CLTCL1: variants seen among roughly 807,000 people sequenced by gnomAD.
CLTCL1 encodes the protein clathrin heavy chain like 1, also known as clathrin heavy chain 2.
CLTCL1 carries 159 observed loss-of-function variants against 190.0 expected under a neutral mutation model. The ratio of observed to expected loss-of-function variants is 0.84; its 90% CI spans 0.74 to 0.95. The LOEUF (loss-of-function observed/expected upper bound fraction) is 0.95, where lower values mean the gene tolerates loss of function less well. Ranked by LOEUF, CLTCL1 falls within the 40% of genes least tolerant of loss-of-function variation. The pLI is 0.00. For missense variants in CLTCL1, 1,878 were observed against 2,033.4 expected, an observed-to-expected ratio of 0.92 and a Z score of 1.47; for synonymous variants, 752 against 769.6, an observed-to-expected ratio of 0.98 and a Z score of 0.38.
intron 3 of CLTCL1, among the ~76,000 whole-genome samples, chr22:19,253,169 C>T (rs149318099): frequency 5.5e-4 from 84 of 152,180 alleles, no homozygotes; most frequent in African/African-American, 1.8e-3. Context: ...TTCAAATAAG[C>T]AGCATTTACA....
At chr22:19,193,480 C>A (rs1189221648) in intron 26 of CLTCL1, among the ~76,000 whole-genome samples, 1 of 152,166 alleles carries the variant, frequency 6.6e-6, no homozygotes, top group East Asian at 1.9e-4. Flanking sequence ...TAGCCACGCG[C>A]CAGGACATGG....
chr22:19,289,969 T>C (rs2088050454), intron 1 of CLTCL1, among the ~76,000 whole-genome samples: 1 of 152,180 alleles, frequency 6.6e-6, no homozygotes, highest in South Asian at 2.1e-4. Context: ...GCTGACTCAG[T>C]GTTTGCTCTA....
intron 19 of CLTCL1, among the ~76,000 whole-genome samples, chr22:19,211,741 T>C (rs1347105382): frequency 4.5e-5 from 6 of 131,982 alleles, no homozygotes; most frequent in Non-Finnish European, 9.2e-5. Context: ...CACTCCAGCC[T>C]GGGCGACAGA....
intron 1 of CLTCL1, among the ~76,000 whole-genome samples, chr22:19,282,708 T>C (rs989879093): frequency 1.3e-5 from 2 of 151,690 alleles, no homozygotes; most frequent in East Asian, 1.9e-4. Flanking sequence ...GGGGAACTCA[T>C]TCTCTACTCA....
At position 19,226,254 on chromosome 22, in the gene CLTCL1, T is replaced by A. The variant is rs2085741648; in HGVS notation, c.1912A>T (p.Arg638Trp). The change falls in exon 12 of 33, where the codon AGG becomes TGG. Residue 638 changes from arginine (R) to tryptophan (W), a missense_variant. Coordinates refer to ENST00000427926, the MANE Select transcript of CLTCL1 (RefSeq NM_007098.4). ...AGGAGGTGAGTGTGGACCACAGCCCTCTTGATGTCATAGAGGTCGGTGTAG... is the reference window on the plus strand; with the variant it reads ...AGGAGGTGAGTGTGGACCACAGCCCACTTGATGTCATAGAGGTCGGTGTAG... ...EHYTDLYDIK[R>W]AVVHTHLLNP... 3 of 1,613,946 alleles carry A rather than the reference T, an allele frequency of 1.9e-6. No individual in the cohort carries two copies. Among genetic ancestry groups the A allele is most frequent in the Non-Finnish European group, 1.7e-6 (2 of 1,179,864 alleles).
rs112920283 is a variant in CLTCL1 at position 19,222,453 on chromosome 22, C to T, written c.2418+231G>A. 3.8e-3 allele frequency among the ~76,000 whole-genome samples: 578 copies of T among 152,278 alleles called. 5 individuals are homozygous for T. The highest frequency in any genetic ancestry group is 0.013 in the African/African-American group (534 of 41,546). ...AGCCTTCACCAGAAACCAGCCCTGC[C>T]GACACCCTGATCATGGACTTCCAGC... On this transcript the variant is annotated intron_variant, in intron 15 of 32. Coordinates refer to ENST00000427926, the MANE Select transcript of CLTCL1 (RefSeq NM_007098.4).
intron 1 of CLTCL1, among the ~76,000 whole-genome samples, chr22:19,276,563 C>T (rs2087510992): frequency 6.6e-6 from 1 of 152,150 alleles, no homozygotes; most frequent in South Asian, 2.1e-4. Flanking sequence ...TCTGGGAAAA[C>T]ACATACTCAA....
intron 18 of CLTCL1, 41 bp from the exon 19 acceptor site, chr22:19,216,297 A>G: frequency 6.3e-7 from 1 of 1,598,434 alleles, no homozygotes; most frequent in Non-Finnish European, 8.6e-7. Flanking sequence ...ATTAAAGTCA[A>G]TTCAAGACTG....
chr22:19,280,938 G>A (rs1198477769), intron 1 of CLTCL1, among the ~76,000 whole-genome samples: 1 of 151,932 alleles, frequency 6.6e-6, no homozygotes, highest in Non-Finnish European at 1.5e-5. Context: ...GGGTTGGGGG[G>A]AGGAGTGTGA....
chr22:19,183,645 TGCAG>T, intron 29 of CLTCL1, 34 bp from the exon 30 acceptor site: 1 of 1,605,466 alleles, frequency 6.2e-7, no homozygotes. Context: ...TTGGGCATCC[TGCAG>T]GCAGAGGCTT....
intron 1 of CLTCL1, among the ~76,000 whole-genome samples, chr22:19,284,758 A>G (rs1466942917): frequency 6.6e-6 from 1 of 151,954 alleles, no homozygotes; most frequent in Non-Finnish European, 1.5e-5. Context: ...GATTAAGACC[A>G]TCCTGGCCAA....
At chr22:19,190,399 G>A (rs1473475877) in intron 27 of CLTCL1, among the ~76,000 whole-genome samples, 2 of 152,072 alleles carry the variant, frequency 1.3e-5, no homozygotes, top group Non-Finnish European at 2.9e-5. Flanking sequence ...TTCTTATAGG[G>A]GCATGGTTTG....
intron 1 of CLTCL1, among the ~76,000 whole-genome samples, chr22:19,285,354 G>A (rs1360144186): frequency 5.3e-5 from 8 of 152,108 alleles, no homozygotes; most frequent in Non-Finnish European, 1.2e-4. Flanking sequence ...GTAAATGAGG[G>A]CCTATGAAGA....
At chr22:19,208,497 G>C (rs1555944356) in intron 21 of CLTCL1, among the ~76,000 whole-genome samples, 186 bp from the exon 22 acceptor site, 2 of 152,130 alleles carry the variant, frequency 1.3e-5, no homozygotes, top group Non-Finnish European at 2.9e-5. Flanking sequence ...AGCTCAGAAG[G>C]GAGGAGGGGA....
At chr22:19,279,297 G>A (rs556157138) in intron 1 of CLTCL1, among the ~76,000 whole-genome samples, 146 of 151,572 alleles carry the variant, frequency 9.6e-4, no homozygotes, top group African/African-American at 3.4e-3. Flanking sequence ...CACCACGCTC[G>A]GCTGATTTTT....
intron 24 of CLTCL1, among the ~76,000 whole-genome samples, chr22:19,199,180 G>A (rs1338295611): frequency 2.6e-5 from 4 of 152,214 alleles, no homozygotes; most frequent in African/African-American, 9.6e-5. Flanking sequence ...GTGGCTCTAG[G>A]AATCCCACAG....
intron 29 of CLTCL1, among the ~76,000 whole-genome samples, chr22:19,185,573 G>T (rs935077800): frequency 2.0e-5 from 3 of 152,106 alleles, no homozygotes; most frequent in African/African-American, 7.2e-5. Flanking sequence ...TGATCCGCCC[G>T]CCTCGGCCTC....
chr22:19,265,285 C>T (rs28472698), intron 2 of CLTCL1, among the ~76,000 whole-genome samples: 7,277 of 151,940 alleles, frequency 0.048, 230 homozygotes, highest in African/African-American at 0.092. Context: ...AATGTTAGAC[C>T]CTCACTGTCT....
chr22:19,219,559 C>T (rs112842267), intron 18 of CLTCL1, among the ~76,000 whole-genome samples: 19 of 152,086 alleles, frequency 1.2e-4, no homozygotes, highest in African/African-American at 4.6e-4. Context: ...TGTCGGCTCA[C>T]TGCAACCTCC....
Sources: gnomAD v4.1 joint callset for allele counts (sites outside exome capture counted in the v4.1 genomes callset) on GRCh38, gnomAD v4.1.1 for gene constraint, MANE v1.5 for transcripts, NCBI Gene and HGNC (gene_info 2026-07-23, HGNC 2026-07-21) for gene names.